The following ULBP2 variants were observed in gnomAD, a reference collection of about 807,000 sequenced individuals.
ULBP2 encodes the protein UL16 binding protein 2, also known as UL16-binding protein 2.
In ULBP2, 21 loss-of-function variants were observed where a neutral mutation model predicts 23.6. The observed-to-expected ratio is 0.89, with a 90% CI of 0.63 to 1.28. The LOEUF (loss-of-function observed/expected upper bound fraction) is 1.28, where lower values mean the gene tolerates loss of function less well. Ranked by LOEUF, ULBP2 falls within the 50% of genes most tolerant of loss-of-function variation. The probability of loss-of-function intolerance (pLI) is 0.00; values close to 1 mark genes in which losing one functional copy is unlikely to be tolerated. For missense variants in ULBP2, 251 were observed against 306.0 expected (o/e 0.82, Z 1.34); for synonymous variants, 82 against 112.8 (o/e 0.73, Z 1.73).
At position 149,948,802 on chromosome 6, in the gene ULBP2, C is replaced by G. The variant is rs1218912441; in HGVS notation, c.*102C>G. On this transcript the variant is annotated 3_prime_UTR_variant, in exon 5 of 5. Transcript: ENST00000367351. Reference sequence around the variant, plus strand: ...TTCTGTCTGGCCAGCTGCCCACGACCTACGGTGTATGTCCAGTGGCCTCCA... The same window carrying G: ...TTCTGTCTGGCCAGCTGCCCACGACGTACGGTGTATGTCCAGTGGCCTCCA... 6.6e-6 allele frequency: 3 copies of G among 456,552 alleles called. No homozygotes were observed. The highest frequency in any genetic ancestry group is 1.3e-5 in the Non-Finnish European group (3 of 226,960). 28.3% of individuals were successfully genotyped at this position (456,552 alleles called of 1,614,324 possible). A position where few individuals can be genotyped will look rare whatever the true frequency, so the allele number is the denominator to read the frequency against.
At chr6:149,947,916 A>T (rs1456483784) in intron 4 of ULBP2, among the ~76,000 whole-genome samples, 2 of 152,166 alleles carry the variant, frequency 1.3e-5, no homozygotes, top group Non-Finnish European at 2.9e-5. Flanking sequence ...TAATCCCAGG[A>T]GGAGGGGGCT....
At chr6:149,946,151 C>T (rs565936231) in intron 2 of ULBP2, among the ~76,000 whole-genome samples, 1 of 149,446 alleles carries the variant, frequency 6.7e-6, no homozygotes, top group African/African-American at 2.5e-5. Context: ...CTGAGTGAGC[C>T]GAGATCGCGC....
rs752047411 is a variant in ULBP2, at chr6:149,942,089, C to T, written c.17C>T (p.Ala6Val). The change falls in exon 1 of 5, where the codon GCT (alanine) becomes GTT (valine). Residue 6 changes from alanine (A) to valine (V), a missense_variant. By Grantham distance (64) the Ala-to-Val change is moderately conservative. Around this residue, in one of 2 missense-constraint regions of ULBP2, gnomAD observed 248 missense variants for 258.9 expected, o/e 0.96. Transcript: ENST00000367351. ...GGGTCCTTAATGGCAGCAGCCGCCGCTACCAAGATCCTTCTGTGCCTCCCG... is the reference window on the plus strand; with the variant it reads ...GGGTCCTTAATGGCAGCAGCCGCCGTTACCAAGATCCTTCTGTGCCTCCCG... MAAAA[A>V]TKILLCLPLL... The T allele has an allele frequency of 2.5e-5, 41 of 1,613,458 alleles. No individual in the cohort carries two copies. In the African/African-American group the frequency reaches 2.8e-4, roughly 11 times the overall value.
chr6:149,946,053 T>A, intron 2 of ULBP2, among the ~76,000 whole-genome samples: 1 of 151,432 alleles, frequency 6.6e-6, no homozygotes, highest in Non-Finnish European at 1.5e-5. Context: ...CCATCCTGGT[T>A]AACACAGTGA....
rs566137802 is a variant in ULBP2 at position 149,942,057 on chromosome 6, G to A, written c.-16G>A. The A allele has an allele frequency of 3.1e-6, 5 of 1,612,272 alleles. No individual in the cohort carries two copies. The East Asian group carries it at 6.7e-5, about 22-fold the overall frequency. On this transcript the variant is annotated 5_prime_UTR_variant, in exon 1 of 5. Transcript: ENST00000367351. ...CCTTCCATCAAGTCTCTCATCCCTA[G>A]CGCTCTGGGTCCTTAATGGCAGCAG...
rs766946311 is a variant in ULBP2 at position 149,945,464 on chromosome 6, C to T, written c.241C>T (p.Leu81=). 1.2e-5 allele frequency: 19 copies of T among 1,613,908 alleles called. No homozygotes were observed. The highest frequency in any genetic ancestry group is 8.5e-7 in the Non-Finnish European group (1 of 1,179,890). ...VTPVSPLGKK[L]NVTTAWKAQN... Reference sequence around the variant, plus strand: ...ACCTGTCAGTCCCCTGGGGAAGAAACTAAATGTCACAACGGCCTGGAAAGC... The same window carrying T: ...ACCTGTCAGTCCCCTGGGGAAGAAATTAAATGTCACAACGGCCTGGAAAGC... The change falls in exon 2 of 5, where the codon CTA becomes TTA. Residue 81 remains leucine (L), a synonymous_variant. Coordinates refer to ENST00000367351, the MANE Select transcript of ULBP2 (RefSeq NM_025217.4).
intron 1 of ULBP2, among the ~76,000 whole-genome samples, chr6:149,942,431 A>G (rs1778877319): frequency 6.6e-6 from 1 of 152,042 alleles, no homozygotes; most frequent in Admixed American, 6.5e-5. Context: ...TGGGGCGGGG[A>G]TCCCTGGTGC....
In ULBP2 at chr6:149,948,978, T is replaced by A; in HGVS notation, c.*278T>A. 1 of 268,268 alleles carries A rather than the reference T, an allele frequency of 3.7e-6. No homozygotes were observed. The highest frequency in any genetic ancestry group is 1.1e-4 in the East Asian group (1 of 9,136). 16.6% of individuals were successfully genotyped at this position (268,268 alleles called of 1,614,324 possible). On this transcript the variant is annotated 3_prime_UTR_variant, in exon 5 of 5. Coordinates refer to ENST00000367351, the MANE Select transcript of ULBP2 (RefSeq NM_025217.4). ...TCCTGCACTTAAAGTTCTGGCTGAC[T>A]AAACAAGATATATCATTTTCTTTCT...
intron 1 of ULBP2, among the ~76,000 whole-genome samples, chr6:149,943,118 C>T (rs952889896): frequency 6.6e-6 from 1 of 152,140 alleles, no homozygotes; most frequent in African/African-American, 2.4e-5. Flanking sequence ...GTCTCAGTGT[C>T]CAGTCCTGTC....
chr6:149,943,278 C>G (rs1411358047), intron 1 of ULBP2, among the ~76,000 whole-genome samples: 1 of 152,130 alleles, frequency 6.6e-6, no homozygotes, highest in Non-Finnish European at 1.5e-5. Context: ...CAAGTGATGT[C>G]TCTGATGTCA....
At chr6:149,945,028 G>A (rs1368511319) in intron 1 of ULBP2, among the ~76,000 whole-genome samples, 6 of 151,554 alleles carry the variant, frequency 4.0e-5, no homozygotes, top group Non-Finnish European at 7.3e-5. Flanking sequence ...CACCTTTCTA[G>A]CAAGGTCACG....
chr6:149,942,296 G>A lies in ULBP2; in HGVS notation c.85+139G>A, dbSNP rs1423086041. On this transcript the variant is annotated intron_variant, in intron 1 of 4. Transcript: ENST00000367351. ...ACTGCGCCCCCGTTCAGTTCCGGTC[G>A]GCGGCTCCTTCCTGCTGGGTGCAGT... 2.0e-5 allele frequency: 18 copies of A among 886,670 alleles called. No homozygotes were observed. In the East Asian group the frequency reaches 4.5e-4, roughly 22 times the overall value. The allele number at this position is 886,670 out of a possible 1,614,324, so 54.9% of individuals were successfully genotyped here.
chr6:149,946,685 A>G, intron 3 of ULBP2, 32 bp downstream of exon 3: 1 of 1,610,254 alleles, frequency 6.2e-7, no homozygotes, highest in Non-Finnish European at 8.5e-7. Context: ...GGGATCTCAA[A>G]TGTGATCAGA....
intron 3 of ULBP2, 154 bp downstream of exon 3, chr6:149,946,807 C>G: frequency 7.8e-7 from 1 of 1,281,626 alleles, no homozygotes; most frequent in African/African-American, 1.5e-5. Flanking sequence ...TACTGGCATG[C>G]CTGTGCTCTC....
intron 4 of ULBP2, among the ~76,000 whole-genome samples, chr6:149,948,495 C>A (rs1023618480): frequency 2.0e-5 from 3 of 152,086 alleles, no homozygotes; most frequent in Admixed American, 2.0e-4. Context: ...ACCTGCAGGC[C>A]CCTCCACTCC....
At chr6:149,943,128 C>T (rs1476704359) in intron 1 of ULBP2, among the ~76,000 whole-genome samples, 2 of 152,142 alleles carry the variant, frequency 1.3e-5, no homozygotes, top group African/African-American at 4.8e-5. Flanking sequence ...CCAGTCCTGT[C>T]CCTTTGTAGA....
intron 1 of ULBP2, among the ~76,000 whole-genome samples, chr6:149,942,539 G>C (rs1411250265): frequency 6.6e-6 from 1 of 152,032 alleles, no homozygotes; most frequent in Admixed American, 6.5e-5. Flanking sequence ...CCACAGGGAC[G>C]CGATCACAGA....
In ULBP2 at chr6:149,942,107, G is replaced by A; in HGVS notation, c.35G>A (p.Cys12Tyr). The A allele has an allele frequency of 6.2e-7, 1 of 1,613,480 alleles. No individual in the cohort carries two copies. The highest frequency in any genetic ancestry group is 8.5e-7 in the Non-Finnish European group (1 of 1,179,854). The change falls in exon 1 of 5, where the codon TGC (cysteine) becomes TAC (tyrosine). Residue 12 changes from cysteine (C) to tyrosine (Y), a missense_variant. Cys to Tyr is a radical substitution (Grantham distance 194). Coordinates refer to ENST00000367351, the MANE Select transcript of ULBP2 (RefSeq NM_025217.4). ...GCCGCCGCTACCAAGATCCTTCTGT[G>A]CCTCCCGCTTCTGCTCCTGCTGTCC... Reference protein sequence around the residue: ...AAAAATKILLCLPLLLLLSGW... With the variant: ...AAAAATKILLYLPLLLLLSGW...
chr6:149,948,692 C>T (rs1477507462), intron 4 of ULBP2, 31 bp from the exon 5 acceptor site: 15 of 456,110 alleles, frequency 3.3e-5, no homozygotes, highest in African/African-American at 2.6e-4. Context: ...GTTCTCTGCC[C>T]CTTAAACCAA....
Sources: gnomAD v4.1 joint callset for allele counts (sites outside exome capture counted in the v4.1 genomes callset) on GRCh38, gnomAD v4.1.1 for gene constraint, gnomAD v4.1.1 regional missense constraint, MANE v1.5 for transcripts, NCBI Gene and HGNC (gene_info 2026-07-23, HGNC 2026-07-21) for gene names.